The following ATG12 variants were observed in gnomAD, a reference collection of about 807,000 sequenced individuals.
ATG12 encodes the protein autophagy related 12.
ATG12 carries 19 observed loss-of-function variants against 17.6 expected under a neutral mutation model. The observed-to-expected ratio is 1.08, with a 90% confidence interval of 0.75 to 1.58. The LOEUF (loss-of-function observed/expected upper bound fraction) is 1.58, where lower values mean the gene tolerates loss of function less well. Among genes scored for constraint, ATG12 ranks in the 40% most tolerant of loss-of-function variants. The probability of loss-of-function intolerance (pLI) is 0.00; values close to 1 mark genes in which losing one functional copy is unlikely to be tolerated. For synonymous variants in ATG12, 75 were observed against 62.4 expected, an observed-to-expected ratio of 1.20 and a Z score of -0.95; for missense variants, 214 against 162.0, an observed-to-expected ratio of 1.32 and a Z score of -1.74.
In ATG12 at chr5:115,841,126, G is replaced by A. The variant is rs903431726; in HGVS notation, c.163+264C>T. 78 of 334,120 alleles carry A rather than the reference G, an allele frequency of 2.3e-4. 1 individual carries two copies. The Middle Eastern group carries it at 3.5e-3, about 15-fold the overall frequency. The allele number at this position is 334,120 out of a possible 1,614,324, so 20.7% of individuals were successfully genotyped here. A position where few individuals can be genotyped will look rare whatever the true frequency, so the allele number is the denominator to read the frequency against. ...CCCTCCCTCCTTCAAAGAGCTCGCAGTCTGGCCAACTCAAAAAAATACAGT... is the reference window on the plus strand; with the variant it reads ...CCCTCCCTCCTTCAAAGAGCTCGCAATCTGGCCAACTCAAAAAAATACAGT... On this transcript the variant is annotated intron_variant, in intron 1 of 3. Transcript: ENST00000509910.
chr5:115,836,666 TTTTA>T (rs1761116253), intron 2 of ATG12, among the ~76,000 whole-genome samples: 1 of 152,192 alleles, frequency 6.6e-6, no homozygotes, highest in African/African-American at 2.4e-5. Context: ...AAATTCCTGA[TTTTA>T]TTTAAAAAAT....
chr5:115,840,472 AT>A, intron 1 of ATG12: 1 of 445,504 alleles, frequency 2.2e-6, no homozygotes, highest in East Asian at 1.1e-4. Flanking sequence ...TAACTTTTAT[AT>A]TTTTAGTAGA....
intron 2 of ATG12, among the ~76,000 whole-genome samples, chr5:115,837,070 CTA>C (rs1158210805): frequency 6.6e-6 from 1 of 152,128 alleles, no homozygotes; most frequent in Non-Finnish European, 1.5e-5. Context: ...TTGCAATGCT[CTA>C]TGATAGATTT....
Position 115,837,676 on chromosome 5 carries a change from G to GT in ATG12, c.251_252insA (p.Ile85HisfsTer2). On this transcript the variant is annotated frameshift_variant, in exon 2 of 4. Coordinates refer to ENST00000509910, the MANE Select transcript of ATG12 (RefSeq NM_004707.4). LOFTEE classifies it high-confidence loss of function. ...TAAGAAACTTTTTGATGAAGTCAAT[G>GT]AGTCCTTGGATGGTTCGTGTTCGCT... The GT allele has an allele frequency of 6.2e-7, 1 of 1,613,176 alleles. No homozygotes were observed. Among genetic ancestry groups the GT allele is most frequent in the Non-Finnish European group, 8.5e-7 (1 of 1,179,912 alleles).
chr5:115,831,707 T>G lies in ATG12; in HGVS notation c.*97A>C. 9.0e-7 allele frequency: 1 copy of G among 1,108,282 alleles called. No homozygotes were observed. The highest frequency in any genetic ancestry group is 1.3e-6 in the Non-Finnish European group (1 of 742,432). The allele number at this position is 1,108,282 out of a possible 1,614,324, so 68.7% of individuals were successfully genotyped here. A position where few individuals can be genotyped will look rare whatever the true frequency, so the allele number is the denominator to read the frequency against. On this transcript the variant is annotated 3_prime_UTR_variant, in exon 4 of 4. Coordinates refer to ENST00000509910, the MANE Select transcript of ATG12 (RefSeq NM_004707.4). The stretch of plus-strand genomic sequence containing the variant: ...GTAGACACATACTAAATAGATCACA[T>G]CTGTTAAGTCTCTTGCCACAAGCAT...
Position 115,831,750 on chromosome 5 carries a change from G to A in ATG12, c.*54C>T. The A allele has an allele frequency of 6.4e-7, 1 of 1,556,684 alleles. No individual in the cohort carries two copies. The highest frequency in any genetic ancestry group is 2.3e-5 in the East Asian group (1 of 44,052). On this transcript the variant is annotated 3_prime_UTR_variant, in exon 4 of 4. Coordinates refer to ENST00000509910, the MANE Select transcript of ATG12 (RefSeq NM_004707.4). The stretch of plus-strand genomic sequence containing the variant: ...ACAAGCATCAAAACTTTTCAGAGCT[G>A]TCTCTTCCGTGAAAATCCATTTCAT...
chr5:115,828,622 T>C lies in ATG12; in HGVS notation c.*3182A>G, dbSNP rs1760733319. 1 of 152,222 alleles carries C rather than the reference T, an allele frequency of 6.6e-6. No homozygotes were observed. Among genetic ancestry groups the C allele is most frequent in the Non-Finnish European group, 1.5e-5 (1 of 68,022 alleles). 9.4% of individuals were successfully genotyped at this position (152,222 alleles called of 1,614,324 possible). On this transcript the variant is annotated 3_prime_UTR_variant, in exon 4 of 4. Coordinates refer to ENST00000509910, the MANE Select transcript of ATG12 (RefSeq NM_004707.4). ...AAGACATTAAAAACACTGTCATATG[T>C]TGCAAATATTTTCCATTACCTTCTG... is the stretch of plus-strand genomic sequence containing the variant.
intron 1 of ATG12, 104 bp downstream of exon 1, chr5:115,841,286 C>T: frequency 6.8e-7 from 1 of 1,478,518 alleles, no homozygotes; most frequent in East Asian, 2.3e-5. Context: ...AAATGCAGGT[C>T]TAGGACAGGC....
chr5:115,840,587 CGCGCCCG>C, intron 1 of ATG12: 1 of 1,278,128 alleles, frequency 7.8e-7, no homozygotes, highest in Non-Finnish European at 1.0e-6. Flanking sequence ...AGTGAGCCAC[CGCGCCCG>C]GCCAGAGACC....
chr5:115,840,020 A>G (rs904158475), intron 1 of ATG12, among the ~76,000 whole-genome samples: 1 of 152,218 alleles, frequency 6.6e-6, no homozygotes, highest in Non-Finnish European at 1.5e-5. Context: ...CTATCATCAG[A>G]GTCAAGTAAC....
At position 115,828,511 on chromosome 5, in the gene ATG12, TC is replaced by T. The variant is rs1348053134; in HGVS notation, c.*3292del. On this transcript the variant is annotated 3_prime_UTR_variant, in exon 4 of 4. Transcript: ENST00000509910. ...TTTCATGTTTTGTTGGCCATTTGTA[TC>T]TTTTTGTGAATCGAAATTTGGTATG... 3 of 152,206 alleles carry T rather than the reference TC, an allele frequency of 2.0e-5. No homozygotes were observed. Among genetic ancestry groups the T allele is most frequent in the Non-Finnish European group, 4.4e-5 (3 of 68,020 alleles). The allele number at this position is 152,206 out of a possible 1,614,324, so 9.4% of individuals were successfully genotyped here.
rs1760866503 is a variant in ATG12 at position 115,831,461 on chromosome 5, T to C, written c.*343A>G. 3 of 310,532 alleles carry C rather than the reference T, an allele frequency of 9.7e-6. No individual in the cohort carries two copies. The South Asian group carries it at 1.3e-4, about 14-fold the overall frequency. 19.2% of individuals were successfully genotyped at this position (310,532 alleles called of 1,614,324 possible). A position where few individuals can be genotyped will look rare whatever the true frequency, so the allele number is the denominator to read the frequency against. ...CCCTTTAGTATATTAACTTTTACCA[T>C]GAAAACAATTTCAGTCATTTTGAGA... On this transcript the variant is annotated 3_prime_UTR_variant, in exon 4 of 4. Coordinates refer to ENST00000509910, the MANE Select transcript of ATG12 (RefSeq NM_004707.4).
In ATG12 at chr5:115,837,732, G is replaced by T; in HGVS notation, c.196C>A (p.Pro66Thr). Residue 66 changes from proline (P) to threonine (T), a missense_variant, in exon 2 of 4, where the codon CCT becomes ACT. By Grantham distance (38) the Pro-to-Thr change is conservative. Transcript: ENST00000509910. ...GCCCACTTCTTTGTTTTCATAATAG[G>T]AGTGTCTCCCACAGCCTTTAGCAAA... ...DILLKAVGDT[P>T]IMKTKKWAVE... The T allele has an allele frequency of 6.2e-7, 1 of 1,612,094 alleles. No individual in the cohort carries two copies. Among genetic ancestry groups the T allele is most frequent in the Non-Finnish European group, 8.5e-7 (1 of 1,179,346 alleles).
intron 2 of ATG12, among the ~76,000 whole-genome samples, chr5:115,835,720 G>A (rs1178916562): frequency 4.6e-5 from 7 of 151,996 alleles, no homozygotes; most frequent in East Asian, 1.9e-4. Flanking sequence ...TTTACTTCCC[G>A]GTCAGGATCT....
At chr5:115,835,746 G>A (rs962482240) in intron 2 of ATG12, among the ~76,000 whole-genome samples, 1 of 152,134 alleles carries the variant, frequency 6.6e-6, no homozygotes, top group South Asian at 2.1e-4. Flanking sequence ...CGTTTTTGAG[G>A]TTCTACTTTT....
intron 2 of ATG12, 114 bp downstream of exon 2, chr5:115,837,514 T>C: frequency 9.1e-7 from 1 of 1,104,088 alleles, no homozygotes; most frequent in Non-Finnish European, 1.3e-6. Context: ...TAAAAGGGCA[T>C]AACAAAAGCG....
chr5:115,828,785 T>G lies in ATG12; in HGVS notation c.*3019A>C, dbSNP rs1274547094. ...AAATGTACTAAGTATTATGTGTGTGTGGGTACCAGATAAAAACCAGAATAA... is the reference window on the plus strand; with the variant it reads ...AAATGTACTAAGTATTATGTGTGTGGGGGTACCAGATAAAAACCAGAATAA... On this transcript the variant is annotated 3_prime_UTR_variant, in exon 4 of 4. Coordinates refer to ENST00000509910, the MANE Select transcript of ATG12 (RefSeq NM_004707.4). 1.3e-5 allele frequency: 2 copies of G among 152,194 alleles called. No homozygotes were observed. The highest frequency in any genetic ancestry group is 1.3e-4 in the Admixed American group (2 of 15,280). The allele number at this position is 152,194 out of a possible 1,614,324, so 9.4% of individuals were successfully genotyped here.
intron 2 of ATG12, chr5:115,834,048 T>C (rs891582438): frequency 6.6e-6 from 1 of 152,192 alleles, no homozygotes; most frequent in Non-Finnish European, 1.5e-5. Flanking sequence ...ATGAAGTATG[T>C]AGCGTACAGA....
chr5:115,841,037 T>G (rs1408564596), intron 1 of ATG12: 1 of 491,252 alleles, frequency 2.0e-6, no homozygotes, highest in Non-Finnish European at 3.5e-6. Flanking sequence ...ATTACTCAAA[T>G]AATTAGCTCC....
Sources: allele counts gnomAD v4.1 joint callset (sites outside exome capture counted in the v4.1 genomes callset), GRCh38; gene constraint gnomAD v4.1.1; transcripts MANE v1.5; gene names NCBI Gene and HGNC (gene_info 2026-07-23, HGNC 2026-07-21).